The following SETDB2 variants were observed in gnomAD, a reference collection of about 807,000 sequenced individuals.
The protein encoded by SETDB2 is histone-lysine N-methyltransferase SETDB2.
A neutral mutation model predicts 82.5 loss-of-function variants in SETDB2; 56 were observed. The observed-to-expected ratio is 0.68, with a 90% CI of 0.55 to 0.85. SETDB2 has a LOEUF of 0.85. SETDB2 is among the 40% of genes least tolerant of loss of function. SETDB2 has a pLI of 0.00. For missense variants in SETDB2, 677 were observed against 816.4 expected, an observed-to-expected ratio of 0.83 and a Z score of 2.08; for synonymous variants, 272 against 284.9, an observed-to-expected ratio of 0.95 and a Z score of 0.46.
intron 6 of SETDB2, among the ~76,000 whole-genome samples, chr13:49,477,571 T>C (rs1958393430): frequency 6.6e-6 from 1 of 152,264 alleles, no homozygotes; most frequent in Admixed American, 6.5e-5. Context: ...ATATTTCCTT[T>C]AATCTAGTAC....
chr13:49,449,349 C>G (rs551420403), intron 1 of SETDB2, among the ~76,000 whole-genome samples: 1 of 152,208 alleles, frequency 6.6e-6, no homozygotes, highest in South Asian at 2.1e-4. Flanking sequence ...CTCCCAGGTT[C>G]AAGCAATTTT....
chr13:49,483,009 T>C, intron 9 of SETDB2, 47 bp downstream of exon 9: 1 of 1,172,070 alleles, frequency 8.5e-7, no homozygotes, highest in Non-Finnish European at 1.2e-6. Flanking sequence ...TTATTATCAA[T>C]CAATTGGTTC....
rs779302960 is a variant in SETDB2 at position 49,488,338 on chromosome 13, T to C, written c.1625T>C (p.Ile542Thr). 6 of 1,603,268 alleles carry C rather than the reference T, an allele frequency of 3.7e-6. No homozygotes were observed. Among genetic ancestry groups the C allele is most frequent in the Middle Eastern group, 3.3e-4 (2 of 5,986 alleles). Residue 542 changes from isoleucine (I) to threonine (T), a missense_variant, in exon 12 of 14, where the codon ATT (isoleucine) becomes ACT (threonine). Physicochemically the swap from Ile to Thr is moderately conservative, Grantham distance 89. This residue lies in a region of SETDB2 where 420 missense variants were observed against 554.6 expected (regional missense o/e 0.76). Coordinates refer to ENST00000611815, the MANE Select transcript of SETDB2 (RefSeq NM_001160308.3). ...HVDEFEDNLLIESDVIDITKY... is the reference protein window; with the variant it reads ...HVDEFEDNLLTESDVIDITKY... ...GATGAGTTTGAAGATAATCTGCTGA[T>C]TGAATCAGATGTGATAGATATAACT...
intron 1 of SETDB2, among the ~76,000 whole-genome samples, chr13:49,448,547 T>C (rs552296575): frequency 3.9e-5 from 6 of 152,326 alleles, no homozygotes; most frequent in Admixed American, 2.0e-4. Flanking sequence ...GTAAACCATA[T>C]ACATTATTTG....
intron 1 of SETDB2, among the ~76,000 whole-genome samples, chr13:49,447,856 A>T (rs1287901377): frequency 6.6e-6 from 1 of 152,146 alleles, no homozygotes; most frequent in Non-Finnish European, 1.5e-5. Flanking sequence ...CATAAAAAAA[A>T]GTTGAGTAGC....
intron 9 of SETDB2, 80 bp downstream of exon 9, chr13:49,483,042 C>G: frequency 2.3e-6 from 2 of 857,650 alleles, no homozygotes; most frequent in Non-Finnish European, 3.7e-6. Flanking sequence ...TCCCCTCTTT[C>G]TTTTCTCCTC....
chr13:49,478,343 A>G (rs1271296882), intron 6 of SETDB2, among the ~76,000 whole-genome samples: 1 of 152,214 alleles, frequency 6.6e-6, no homozygotes, highest in Non-Finnish European at 1.5e-5. Context: ...AAGACTAGGA[A>G]CTAGGCCAGT....
intron 4 of SETDB2, among the ~76,000 whole-genome samples, chr13:49,461,909 G>A (rs903220478): frequency 6.6e-6 from 1 of 152,126 alleles, no homozygotes; most frequent in Non-Finnish European, 1.5e-5. Context: ...TGCTATAATG[G>A]CTTATAGAAC....
At chr13:49,471,831 A>G (rs1200738683) in intron 5 of SETDB2, among the ~76,000 whole-genome samples, 5 of 150,506 alleles carry the variant, frequency 3.3e-5, no homozygotes, top group Non-Finnish European at 7.4e-5. Context: ...TGTTACCAGT[A>G]GGTTTCTTCT....
At chr13:49,457,568 G>A (rs1957913342) in intron 2 of SETDB2, among the ~76,000 whole-genome samples, 1 of 151,646 alleles carries the variant, frequency 6.6e-6, no homozygotes, top group Non-Finnish European at 1.5e-5. Flanking sequence ...CGAGTAGCTG[G>A]GACCACATGC....
At chr13:49,487,010 C>T (rs1958610456) in intron 11 of SETDB2, among the ~76,000 whole-genome samples, 1 of 152,104 alleles carries the variant, frequency 6.6e-6, no homozygotes, top group African/African-American at 2.4e-5. Flanking sequence ...TGCATGTGAG[C>T]CACAGTGCAT....
intron 5 of SETDB2, among the ~76,000 whole-genome samples, chr13:49,468,375 C>G (rs2138894391): frequency 6.6e-6 from 1 of 152,140 alleles, no homozygotes; most frequent in East Asian, 1.9e-4. Flanking sequence ...TGGGAATAGA[C>G]TAAATTTTTC....
chr13:49,485,568 C>T, intron 10 of SETDB2, 62 bp from the exon 11 acceptor site: 1 of 1,280,396 alleles, frequency 7.8e-7, no homozygotes, highest in Non-Finnish European at 1.1e-6. Context: ...ATGAAAGAGG[C>T]CTAACTGCTA....
At chr13:49,465,539 AT>A (rs779170874) in intron 4 of SETDB2, among the ~76,000 whole-genome samples, 147 of 145,724 alleles carry the variant, frequency 1.0e-3, no homozygotes, top group Admixed American at 1.3e-3. Context: ...TCAGAATCTA[AT>A]TTTTTTTTTT....
intron 10 of SETDB2, among the ~76,000 whole-genome samples, chr13:49,484,792 A>G (rs1958560704): frequency 6.6e-6 from 1 of 152,178 alleles, no homozygotes; most frequent in Admixed American, 6.5e-5. Flanking sequence ...ACTCTGCTTT[A>G]GGTGTTATGC....
At chr13:49,455,755 A>C (rs149864020) in intron 2 of SETDB2, among the ~76,000 whole-genome samples, 1 of 151,812 alleles carries the variant, frequency 6.6e-6, no homozygotes, top group African/African-American at 2.4e-5. Context: ...TGGTTCTTTT[A>C]AGTAAAAATG....
At chr13:49,474,839 A>T (rs2038638) in intron 5 of SETDB2, among the ~76,000 whole-genome samples, 7 of 152,196 alleles carry the variant, frequency 4.6e-5, no homozygotes, top group Admixed American at 1.3e-4. Flanking sequence ...AATCAAAATT[A>T]GATAAAATGT....
rs1957610293 is a variant in SETDB2 at position 49,444,317 on chromosome 13, C to G, written c.-882C>G. 3.2e-6 allele frequency: 1 copy of G among 309,256 alleles called. No homozygotes were observed. The highest frequency in any genetic ancestry group is 6.4e-6 in the Non-Finnish European group (1 of 156,436). 19.2% of individuals were successfully genotyped at this position (309,256 alleles called of 1,614,324 possible). A position where few individuals can be genotyped will look rare whatever the true frequency, so the allele number is the denominator to read the frequency against. On this transcript the variant is annotated 5_prime_UTR_variant, in exon 1 of 14. Coordinates refer to ENST00000611815, the MANE Select transcript of SETDB2 (RefSeq NM_001160308.3). ...CATCCCCGGTAGAGGCAGGGCGGGA[C>G]TGTTGTGGTTGAGATGAAGGCTAGT...
At chr13:49,447,953 G>C (rs7992603) in intron 1 of SETDB2, among the ~76,000 whole-genome samples, 117,552 of 151,730 alleles carry the variant, frequency 0.77, 46,071 homozygotes, top group African/African-American at 0.88. Context: ...ATCTGTAAAA[G>C]TTTATGGACC....
Sources: allele counts gnomAD v4.1 joint callset (sites outside exome capture counted in the v4.1 genomes callset), GRCh38; gene constraint gnomAD v4.1.1; regional missense constraint gnomAD v4.1.1; transcripts MANE v1.5; gene names NCBI Gene and HGNC (gene_info 2026-07-23, HGNC 2026-07-21).